POU3F3: variants seen among roughly 807,000 people sequenced by gnomAD.
POU3F3 encodes the protein POU class 3 homeobox 3.
In POU3F3, 1 loss-of-function variant was observed where a neutral mutation model predicts 8.6. The ratio of observed to expected loss-of-function variants is 0.12; its 90% CI spans 0.04 to 0.55. The LOEUF (loss-of-function observed/expected upper bound fraction) is 0.55, where lower values mean the gene tolerates loss of function less well. Ranked by LOEUF, POU3F3 falls within the 20% of genes least tolerant of loss-of-function variation. The pLI, the probability that POU3F3 is intolerant of heterozygous loss-of-function variation, is 0.91. For synonymous variants in POU3F3, 418 were observed against 327.4 expected (o/e 1.28, Z -2.99); for missense variants, 577 against 690.7 (o/e 0.84, Z 1.84).
In POU3F3 at chr2:104,854,663, G is replaced by A. The variant is rs1024063292; in HGVS notation, c.-848G>A. On this transcript the variant is annotated 5_prime_UTR_variant, in exon 1 of 1. Transcript: ENST00000361360. This position sits in a 1 kb window ranked among gnomAD's most constrained non-coding sequence, Gnocchi z 4.5. Reference sequence around the variant, plus strand: ...GAGCTCCGGCAATAGCAACTTCAGAGAAATGCACCATCGCAAGAAGTTTTC... The same window carrying A: ...GAGCTCCGGCAATAGCAACTTCAGAAAAATGCACCATCGCAAGAAGTTTTC... 6.6e-6 allele frequency among the ~76,000 whole-genome samples: 1 copy of A among 152,206 alleles called. No homozygotes were observed. Among genetic ancestry groups the A allele is most frequent in the African/African-American group, 2.4e-5 (1 of 41,452 alleles).
At chr2:104,924,649 C>T in the POU3F3 span, among the ~76,000 whole-genome samples, 4 of 152,178 alleles carry the variant, frequency 2.6e-5, no homozygotes, top group East Asian at 1.9e-4. Context: ...AAATGGTTTT[C>T]GAATTCATTT....
the POU3F3 span, among the ~76,000 whole-genome samples, chr2:104,884,333 T>G: frequency 6.6e-6 from 1 of 152,098 alleles, no homozygotes; most frequent in Non-Finnish European, 1.5e-5. Flanking sequence ...GGATGAGAAT[T>G]TGTGGAACTG....
the POU3F3 span, among the ~76,000 whole-genome samples, chr2:104,920,850 G>A: frequency 2.0e-5 from 3 of 152,026 alleles, no homozygotes; most frequent in Non-Finnish European, 2.9e-5. Flanking sequence ...GTAGCTCTGC[G>A]CCATTAAGTC....
chr2:104,872,211 C>T, the POU3F3 span: 6 of 456,174 alleles, frequency 1.3e-5, no homozygotes, highest in Non-Finnish European at 2.6e-5. The surrounding 1 kb of genome is among the most constrained non-coding windows in gnomAD (Gnocchi z 4.6). Flanking sequence ...CTCAGCCCTG[C>T]TCCTCCTGTC....
the POU3F3 span, among the ~76,000 whole-genome samples, chr2:104,891,038 T>C: frequency 6.6e-6 from 1 of 152,214 alleles, no homozygotes; most frequent in Non-Finnish European, 1.5e-5. Flanking sequence ...CTCACTTATC[T>C]GAACCTTGAG....
Position 104,856,881 on chromosome 2 carries a change from G to C in POU3F3, c.1371G>C (p.Arg457=). ...KEVVRVWFCN[R]RQKEKRMTPP... is the part of the protein sequence containing the mutation. ...TGGTGCGGGTCTGGTTCTGCAATCGGCGCCAAAAGGAGAAGCGCATGACGC... is the reference window on the plus strand; with the variant it reads ...TGGTGCGGGTCTGGTTCTGCAATCGCCGCCAAAAGGAGAAGCGCATGACGC... The change falls in exon 1 of 1, where the codon CGG becomes CGC. Residue 457 remains arginine (R), a synonymous_variant. Transcript: ENST00000361360. The C allele has an allele frequency of 6.2e-7, 1 of 1,614,048 alleles. No homozygotes were observed. Among genetic ancestry groups the C allele is most frequent in the African/African-American group, 1.3e-5 (1 of 75,056 alleles).
At chr2:104,922,795 A>ATCCAAGTAGCTCAATGAAC in the POU3F3 span, among the ~76,000 whole-genome samples, 1 of 152,236 alleles carries the variant, frequency 6.6e-6, no homozygotes, top group Non-Finnish European at 1.5e-5. Flanking sequence ...AGACATAAAC[A>ATCCAAGTAGCTCAATGAAC]TCCAAGTAGC....
the POU3F3 span, among the ~76,000 whole-genome samples, chr2:104,906,504 G>A: frequency 5.0e-4 from 76 of 152,166 alleles, 1 homozygote; most frequent in African/African-American, 1.8e-3. Context: ...GAATTGTCCT[G>A]GTTAATCCCA....
the POU3F3 span, among the ~76,000 whole-genome samples, chr2:104,880,849 G>A: frequency 6.6e-6 from 1 of 152,104 alleles, no homozygotes; most frequent in South Asian, 2.1e-4. Flanking sequence ...GGATGGGTTA[G>A]GAATGGTGGG....
rs1329027184 is a variant in POU3F3, at chr2:104,857,368, A to C, written c.*355A>C. 3.2e-5 allele frequency: 5 copies of C among 154,408 alleles called. No homozygotes were observed. The highest frequency in any genetic ancestry group is 1.2e-4 in the African/African-American group (5 of 41,594). The allele number at this position is 154,408 out of a possible 1,614,324, so 9.6% of individuals were successfully genotyped here. On this transcript the variant is annotated 3_prime_UTR_variant, in exon 1 of 1. Coordinates refer to ENST00000361360, the MANE Select transcript of POU3F3 (RefSeq NM_006236.3). The stretch of plus-strand genomic sequence containing the variant: ...GGAAGAGAAAAAGGGGGCGATCATG[A>C]GATCTCGTTCATACTGTGGTGGTGT...
At chr2:104,867,594 G>T in the POU3F3 span, 1 of 152,882 alleles carries the variant, frequency 6.5e-6, no homozygotes, top group Non-Finnish European at 1.5e-5. This position sits in a 1 kb window ranked among gnomAD's most constrained non-coding sequence, Gnocchi z 5.0. Context: ...GTAGGGGTAG[G>T]TGCCCGCGCC....
the POU3F3 span, among the ~76,000 whole-genome samples, chr2:104,906,112 T>A: frequency 3.9e-5 from 6 of 152,242 alleles, no homozygotes; most frequent in Non-Finnish European, 2.9e-5. Flanking sequence ...AATTTTTGTT[T>A]GATGCATAGA....
At chr2:104,901,705 C>T in the POU3F3 span, among the ~76,000 whole-genome samples, 3 of 152,218 alleles carry the variant, frequency 2.0e-5, no homozygotes, top group African/African-American at 7.2e-5. Context: ...GTGTGTGCTT[C>T]TGCATATATG....
chr2:104,907,333 C>T, the POU3F3 span, among the ~76,000 whole-genome samples: 37,340 of 152,098 alleles, frequency 0.25, 4,585 homozygotes, highest in Middle Eastern at 0.28. Flanking sequence ...TCTCTAATTC[C>T]AACATCCCAT....
the POU3F3 span, among the ~76,000 whole-genome samples, chr2:104,913,621 C>A: frequency 2.0e-5 from 3 of 152,176 alleles, no homozygotes; most frequent in Non-Finnish European, 4.4e-5. Flanking sequence ...TCAGAGCACT[C>A]AGTAAAACGT....
At chr2:104,926,937 C>T in the POU3F3 span, among the ~76,000 whole-genome samples, 1 of 151,988 alleles carries the variant, frequency 6.6e-6, no homozygotes, top group Non-Finnish European at 1.5e-5. Flanking sequence ...GGGAACATCA[C>T]ACACTGGGGC....
the POU3F3 span, among the ~76,000 whole-genome samples, chr2:104,926,452 A>T: frequency 6.6e-6 from 1 of 152,230 alleles, no homozygotes; most frequent in Non-Finnish European, 1.5e-5. Context: ...AAGTCAAGAA[A>T]CAACAGCTGC....
chr2:104,863,303 G>A (rs1676688865), downstream of POU3F3, among the ~76,000 whole-genome samples: 1 of 151,672 alleles, frequency 6.6e-6, no homozygotes, highest in South Asian at 2.1e-4. Flanking sequence ...AAGGAATTGA[G>A]GAGCGAAGGA....
At chr2:104,921,958 C>T in the POU3F3 span, among the ~76,000 whole-genome samples, 1 of 152,190 alleles carries the variant, frequency 6.6e-6, no homozygotes, top group South Asian at 2.1e-4. Context: ...GATCACTCCA[C>T]TGCACTCCAG....
Sources: gnomAD v4.1 joint callset for allele counts (sites outside exome capture counted in the v4.1 genomes callset) on GRCh38, gnomAD v4.1.1 for gene constraint, Gnocchi (gnomAD v3.1) non-coding constraint, MANE v1.5 for transcripts, NCBI Gene and HGNC (gene_info 2026-07-23, HGNC 2026-07-21) for gene names.